JARID2: variants seen among roughly 807,000 people sequenced by gnomAD.
JARID2 encodes the protein jumonji and AT-rich interaction domain containing 2.
JARID2 carries 21 observed loss-of-function variants against 125.6 expected under a neutral mutation model. The ratio of observed to expected loss-of-function variants is 0.17; its 90% CI spans 0.12 to 0.24. The LOEUF is 0.24. Ranked by LOEUF, JARID2 falls within the 10% of genes least tolerant of loss-of-function variation. JARID2 has a pLI of 1.00. For missense variants in JARID2, 1,303 were observed against 1,639.6 expected (o/e 0.79, Z 3.55); for synonymous variants, 736 against 661.6 (o/e 1.11, Z -1.73).
At chr6:15,400,429 T>C (rs1765379944) in intron 2 of JARID2, among the ~76,000 whole-genome samples, 1 of 141,968 alleles carries the variant, frequency 7.0e-6, no homozygotes, top group Admixed American at 7.5e-5. Flanking sequence ...ATTATGATAT[T>C]AAAAAGGGAT....
intron 3 of JARID2, among the ~76,000 whole-genome samples, chr6:15,421,761 A>G (rs1430567288): frequency 6.6e-6 from 1 of 152,178 alleles, no homozygotes; most frequent in Non-Finnish European, 1.5e-5. Flanking sequence ...GTCACCTTCC[A>G]TAAGTTGTAG....
At chr6:15,511,107 G>A (rs1489801809) in intron 12 of JARID2, among the ~76,000 whole-genome samples, 189 bp from the exon 13 acceptor site, 1 of 152,202 alleles carries the variant, frequency 6.6e-6, no homozygotes, top group Non-Finnish European at 1.5e-5. Context: ...AGGTGGACGT[G>A]GCACTGCTGC....
intron 3 of JARID2, among the ~76,000 whole-genome samples, chr6:15,420,616 G>A (rs1561851372): frequency 6.6e-6 from 1 of 152,072 alleles, no homozygotes; most frequent in Non-Finnish European, 1.5e-5. Context: ...TGCATGTCTG[G>A]TAGCTTTTTA....
chr6:15,473,259 A>G (rs1769162482), intron 5 of JARID2, among the ~76,000 whole-genome samples: 2 of 152,210 alleles, frequency 1.3e-5, no homozygotes, highest in African/African-American at 4.8e-5. Context: ...ATAAATGAGA[A>G]AAATGTAAGC....
chr6:15,513,084 C>T (rs200197233), intron 15 of JARID2, 39 bp downstream of exon 15: 409 of 1,612,494 alleles, frequency 2.5e-4, no homozygotes, highest in Non-Finnish European at 3.2e-4. Flanking sequence ...GAGCTGGACC[C>T]GGCTGCCCTT....
intron 1 of JARID2, among the ~76,000 whole-genome samples, chr6:15,268,559 G>A (rs984019591): frequency 2.0e-5 from 3 of 152,042 alleles, no homozygotes; most frequent in Non-Finnish European, 4.4e-5. Flanking sequence ...GGCTTTGGAA[G>A]GGGTGTAAAA....
Position 15,385,464 on chromosome 6 carries a change from C to G in JARID2, c.181+11212C>G, listed in dbSNP as rs1215941537. ...GGAGGGACATGTGCGTGCGTTTATT[C>G]TAATTTATTTATTTATATAGATTTT... On this transcript the variant is annotated intron_variant, in intron 2 of 17. Transcript: ENST00000341776. 2.0e-5 allele frequency among the ~76,000 whole-genome samples: 3 copies of G among 151,262 alleles called. No homozygotes were observed. In the East Asian group the frequency reaches 5.8e-4, roughly 29 times the overall value.
At chr6:15,346,971 T>G (rs2127475958) in intron 1 of JARID2, among the ~76,000 whole-genome samples, 1 of 152,256 alleles carries the variant, frequency 6.6e-6, no homozygotes, top group South Asian at 2.1e-4. Context: ...CCTGACCTTG[T>G]GATCTGCCTG....
intron 1 of JARID2, among the ~76,000 whole-genome samples, chr6:15,372,792 C>G (rs1434847593): frequency 6.6e-6 from 1 of 152,068 alleles, no homozygotes; most frequent in African/African-American, 2.4e-5. Flanking sequence ...TCACTGCCAC[C>G]TTTCCCTCTA....
chr6:15,498,826 C>T (rs779408904), intron 7 of JARID2, among the ~76,000 whole-genome samples: 9 of 152,190 alleles, frequency 5.9e-5, no homozygotes, highest in Admixed American at 1.3e-4. Flanking sequence ...CACCCACGCC[C>T]GCTGACCACG....
intron 4 of JARID2, among the ~76,000 whole-genome samples, chr6:15,456,898 T>C (rs905612508): frequency 6.7e-6 from 1 of 149,620 alleles, no homozygotes; most frequent in Non-Finnish European, 1.5e-5. Flanking sequence ...TTTTTTTTTT[T>C]ACAATCATAA....
chr6:15,261,519 T>A (rs969617219), intron 1 of JARID2, among the ~76,000 whole-genome samples: 2 of 151,802 alleles, frequency 1.3e-5, no homozygotes, highest in Non-Finnish European at 2.9e-5. Context: ...GGTTTCACCA[T>A]GTTAGTTTGC....
chr6:15,285,572 T>C (rs1294146675), intron 1 of JARID2, among the ~76,000 whole-genome samples: 2 of 152,144 alleles, frequency 1.3e-5, no homozygotes, highest in East Asian at 3.8e-4. Flanking sequence ...TACATATATA[T>C]ATATATAACA....
intron 1 of JARID2, among the ~76,000 whole-genome samples, chr6:15,357,543 A>ACT (rs369442680): frequency 1.3e-3 from 198 of 152,276 alleles, no homozygotes; most frequent in African/African-American, 4.5e-3. Context: ...GTATTTGGAG[A>ACT]CTGAAGCTGT....
At chr6:15,310,848 G>A (rs368971781) in intron 1 of JARID2, among the ~76,000 whole-genome samples, 1 of 152,152 alleles carries the variant, frequency 6.6e-6, no homozygotes, top group Non-Finnish European at 1.5e-5. Flanking sequence ...GCCAGAAACC[G>A]AGCTGACTTT....
intron 15 of JARID2, 50 bp downstream of exon 15, chr6:15,513,095 C>G (rs369789873): frequency 1.2e-6 from 2 of 1,610,828 alleles, no homozygotes; most frequent in Admixed American, 1.7e-5. Context: ...GGCTGCCCTT[C>G]GGGGGCTCAC....
At chr6:15,380,016 T>TC (rs1357600149) in intron 2 of JARID2, among the ~76,000 whole-genome samples, 1 of 35,238 alleles carries the variant, frequency 2.8e-5, no homozygotes, top group East Asian at 6.6e-4. Context: ...GGTAAGTGGA[T>TC]TTTTTTTTTT....
chr6:15,432,546 A>C (rs1414175155), intron 3 of JARID2, among the ~76,000 whole-genome samples: 1 of 152,314 alleles, frequency 6.6e-6, no homozygotes, highest in East Asian at 1.9e-4. Context: ...CTGGTTGCAG[A>C]ATTTTCTGGG....
intron 1 of JARID2, among the ~76,000 whole-genome samples, chr6:15,289,047 C>T (rs1387739636): frequency 6.6e-6 from 1 of 152,130 alleles, no homozygotes; most frequent in Non-Finnish European, 1.5e-5. Context: ...CCACTGGGGA[C>T]AGCACAGACA....
Sources: gnomAD v4.1 joint callset for allele counts (sites outside exome capture counted in the v4.1 genomes callset) on GRCh38, gnomAD v4.1.1 for gene constraint, MANE v1.5 for transcripts, NCBI Gene and HGNC (gene_info 2026-07-23, HGNC 2026-07-21) for gene names.